The following ZNF808 variants were observed in gnomAD, a reference collection of about 807,000 sequenced individuals.
ZNF808 encodes the protein zinc finger protein 808.
Under a neutral mutation model 8.7 loss-of-function variants are expected in ZNF808, and 5 were observed. The observed-to-expected ratio is 0.58, with a 90% CI of 0.30 to 1.21. The LOEUF is 1.21. ZNF808 is among the 50% of genes most tolerant of loss of function. The pLI, the probability that ZNF808 is intolerant of heterozygous loss-of-function variation, is 0.07. For synonymous variants in ZNF808, 380 were observed against 366.0 expected (o/e 1.04, Z -0.44); for missense variants, 1,103 against 1,098.4 (o/e 1.00, Z -0.06).
intron 1 of ZNF808, among the ~76,000 whole-genome samples, chr19:52,529,651 G>A (rs1304618485): frequency 3.9e-5 from 6 of 152,104 alleles, no homozygotes; most frequent in Non-Finnish European, 1.5e-5. Context: ...CTTTTCCTAG[G>A]ATTGGGAGGA....
At chr19:52,531,116 G>A (rs1378268372) in intron 1 of ZNF808, among the ~76,000 whole-genome samples, 1 of 152,156 alleles carries the variant, frequency 6.6e-6, no homozygotes, top group African/African-American at 2.4e-5. Flanking sequence ...GACAGAGTGT[G>A]ACTTGGTCTC....
At chr19:52,535,650 G>A (rs188303847) in intron 2 of ZNF808, among the ~76,000 whole-genome samples, 23 of 152,360 alleles carry the variant, frequency 1.5e-4, no homozygotes, top group Admixed American at 1.2e-3. Context: ...TGAATGAATG[G>A]AGAATAGAAA....
intron 2 of ZNF808, among the ~76,000 whole-genome samples, chr19:52,533,841 TC>T (rs751272276): frequency 0.037 from 2,661 of 72,266 alleles, 300 homozygotes; most frequent in Middle Eastern, 0.076. Context: ...AGACTCCGTC[TC>T]CAAAAAAAAA....
rs558251598 is a variant in ZNF808 at position 52,554,310 on chromosome 19, C to T, written c.1394C>T (p.Thr465Met). 28 of 1,614,010 alleles carry T rather than the reference C, an allele frequency of 1.7e-5. No homozygotes were observed. Among genetic ancestry groups the T allele is most frequent in the Middle Eastern group, 3.3e-4 (2 of 6,058 alleles). ...YKCKVCDTAF[T>M]CNSQLARHRR... is the part of the protein sequence containing the mutation. ...TGTAAGGTTTGTGATACAGCTTTCA[C>T]GTGTAATTCACAGCTGGCACGACAT... The change falls in exon 5 of 5, where the codon ACG becomes ATG. Residue 465 changes from threonine to methionine, a missense_variant. Thr to Met is a moderately conservative substitution (Grantham distance 81). Coordinates refer to ENST00000359798, the MANE Select transcript of ZNF808 (RefSeq NM_001039886.4).
chr19:52,565,110 A>C (rs778475797), downstream of ZNF808, among the ~76,000 whole-genome samples: 7 of 151,974 alleles, frequency 4.6e-5, no homozygotes, highest in Non-Finnish European at 7.4e-5. Flanking sequence ...TAAATAAATA[A>C]AAATACAAAT....
At chr19:52,543,170 CTT>C in intron 2 of ZNF808, 94 bp from the exon 3 acceptor site, 1 of 1,337,046 alleles carries the variant, frequency 7.5e-7, no homozygotes, top group Non-Finnish European at 1.0e-6. Flanking sequence ...TGGGGGACTT[CTT>C]TCTACAGGGT....
intron 2 of ZNF808, among the ~76,000 whole-genome samples, chr19:52,536,430 G>A (rs1246439647): frequency 6.6e-6 from 1 of 152,078 alleles, no homozygotes; most frequent in African/African-American, 2.4e-5. Context: ...CCCCAGTCCT[G>A]GGGAGGCTGC....
intron 1 of ZNF808, among the ~76,000 whole-genome samples, chr19:52,528,899 C>T (rs958466778): frequency 7.3e-5 from 11 of 150,722 alleles, no homozygotes; most frequent in Non-Finnish European, 1.2e-4. Context: ...AAATAAGTTG[C>T]GAGGATGGAG....
At chr19:52,561,549 AT>A (rs111353368) in intron 3 of ZNF808, among the ~76,000 whole-genome samples, 494 of 142,710 alleles carry the variant, frequency 3.5e-3, no homozygotes, top group African/African-American at 3.9e-3. Context: ...TTGCCTCCAG[AT>A]TTTTTTTTTT....
intron 1 of ZNF808, among the ~76,000 whole-genome samples, chr19:52,532,493 T>TA (rs1190401238): frequency 3.9e-5 from 6 of 152,228 alleles, no homozygotes; most frequent in Non-Finnish European, 8.8e-5. Context: ...GGTGGATTAT[T>TA]TACCAATATA....
chr19:52,566,792 TTAAGA>T (rs1467955384), downstream of ZNF808, among the ~76,000 whole-genome samples: 1 of 152,156 alleles, frequency 6.6e-6, no homozygotes, highest in African/African-American at 2.4e-5. Flanking sequence ...ACTCATGGTC[TTAAGA>T]TGTTTACAGT....
chr19:52,566,831 C>T (rs1223826707), downstream of ZNF808, among the ~76,000 whole-genome samples: 1 of 152,150 alleles, frequency 6.6e-6, no homozygotes, highest in African/African-American at 2.4e-5. Context: ...TTAATCATAC[C>T]TGCAAGGACA....
chr19:52,564,307 A>G (rs1338569932), exon 4 of ZNF808: 2 of 645,698 alleles, frequency 3.1e-6, no homozygotes, highest in East Asian at 5.5e-5. Context: ...TGAAAATGTC[A>G]CTACCATCTG....
rs779291811 is a variant in ZNF808, at chr19:52,553,873, G to T, written c.957G>T (p.Glu319Asp). Residue 319 changes from glutamate to aspartate, a missense_variant, in exon 5 of 5, where the codon GAG (glutamate) becomes GAT (aspartate). Physicochemically the swap from Glu to Asp is conservative, Grantham distance 45. Coordinates refer to ENST00000359798, the MANE Select transcript of ZNF808 (RefSeq NM_001039886.4). ...GAGTAAAACCTTACAAGTGTAATGA[G>T]TGTGGCAAGGTCTTTCGTCAAAATT... ...HTGVKPYKCN[E>D]CGKVFRQNSA... is the part of the protein sequence containing the mutation. The T allele has an allele frequency of 1.9e-6, 3 of 1,614,052 alleles. No homozygotes were observed. The highest frequency in any genetic ancestry group is 2.5e-6 in the Non-Finnish European group (3 of 1,180,010).
chr19:52,566,855 A>G (rs2146971412), downstream of ZNF808, among the ~76,000 whole-genome samples: 1 of 152,250 alleles, frequency 6.6e-6, no homozygotes, highest in South Asian at 2.1e-4. Flanking sequence ...TCCTACATAA[A>G]CACAATGTCC....
At position 52,548,965 on chromosome 19, in the gene ZNF808, GT is replaced by G. The variant is rs540827333; in HGVS notation, c.190+1337del. Among the ~76,000 whole-genome samples the G allele has an allele frequency of 3.4e-5, 5 of 148,730 alleles. No individual in the cohort carries two copies. In the East Asian group the frequency reaches 5.9e-4, roughly 18 times the overall value. ...AAACCACATTTCTATTAGAGGTACA[GT>G]TTTTTTTTTGTTTCTGTTTTTTTTA... is the stretch of plus-strand genomic sequence containing the variant. On this transcript the variant is annotated intron_variant, in intron 4 of 4. Coordinates refer to ENST00000359798, the MANE Select transcript of ZNF808 (RefSeq NM_001039886.4).
intron 3 of ZNF808, among the ~76,000 whole-genome samples, chr19:52,543,605 C>T (rs1429802630): frequency 6.6e-6 from 1 of 152,142 alleles, no homozygotes. Flanking sequence ...GGCTCACACC[C>T]AGACGTGGAT....
chr19:52,553,513 G>A lies in ZNF808; in HGVS notation c.597G>A (p.Arg199=). The change falls in exon 5 of 5, where the codon AGG becomes AGA. Residue 199 remains arginine, a synonymous_variant. Coordinates refer to ENST00000359798, the MANE Select transcript of ZNF808 (RefSeq NM_001039886.4). ...SVSTSQRISC[R]PQIHISNNYG... is the part of the protein sequence containing the mutation. ...CAACATCCCAAAGAATTTCCTGTAG[G>A]CCCCAAATCCATATTTCTAATAACT... is the stretch of plus-strand genomic sequence containing the variant. The A allele has an allele frequency of 6.2e-7, 1 of 1,614,032 alleles. No homozygotes were observed. The highest frequency in any genetic ancestry group is 8.5e-7 in the Non-Finnish European group (1 of 1,180,000).
At chr19:52,540,115 G>A (rs375460776) in intron 2 of ZNF808, among the ~76,000 whole-genome samples, 18 of 152,182 alleles carry the variant, frequency 1.2e-4, no homozygotes, top group African/African-American at 3.6e-4. Context: ...GGGGTCAAGC[G>A]ATTTTCCTGC....
Sources: gnomAD v4.1 joint callset for allele counts (sites outside exome capture counted in the v4.1 genomes callset) on GRCh38, gnomAD v4.1.1 for gene constraint, MANE v1.5 for transcripts, NCBI Gene and HGNC (gene_info 2026-07-23, HGNC 2026-07-21) for gene names.